The following ABCA1 variants were observed in gnomAD, a reference collection of about 807,000 sequenced individuals.
ABCA1 encodes phospholipid-transporting ATPase ABCA1.
A neutral mutation model predicts 262.5 loss-of-function variants in ABCA1; 133 were observed. That is an observed-to-expected ratio of 0.51 (90% confidence interval 0.44 to 0.59). The LOEUF is 0.59. Among genes scored for constraint, ABCA1 ranks in the 20% least tolerant of loss-of-function variants. ABCA1 has a pLI of 0.00. For missense variants in ABCA1, 2,452 were observed against 2,777.5 expected (o/e 0.88, Z 2.63); for synonymous variants, 1,022 against 1,043.5 (o/e 0.98, Z 0.40).
Position 104,819,478 on chromosome 9 carries a change from A to G in ABCA1, c.3241+108T>C. On this transcript the variant is annotated intron_variant, in intron 22 of 49. Coordinates refer to ENST00000374736, the MANE Select transcript of ABCA1 (RefSeq NM_005502.4). ...TTTATCTCTTCTGTGATAACAGAAG[A>G]GTATCCCATGGCTTCACAGAAGCCT... The G allele has an allele frequency of 1.4e-6, 2 of 1,468,786 alleles. 1 individual carries two copies. The highest frequency in any genetic ancestry group is 2.3e-5 in the South Asian group (2 of 87,458). The allele number at this position is 1,468,786 out of a possible 1,614,324, so 91.0% of individuals were successfully genotyped here.
chr9:104,875,696 G>A (rs1381433776), intron 5 of ABCA1, among the ~76,000 whole-genome samples: 1 of 152,064 alleles, frequency 6.6e-6, no homozygotes, highest in Admixed American at 6.5e-5. Context: ...CCCAAGTCAG[G>A]AGCCAAAGTA....
intron 3 of ABCA1, among the ~76,000 whole-genome samples, chr9:104,886,694 C>T (rs778549389): frequency 1.3e-5 from 2 of 152,134 alleles, no homozygotes; most frequent in Admixed American, 6.5e-5. Flanking sequence ...TGGCAAAGGC[C>T]CTTCCTTGTA....
chr9:104,838,332 G>A (rs920492011), intron 9 of ABCA1, among the ~76,000 whole-genome samples: 1 of 149,106 alleles, frequency 6.7e-6, no homozygotes, highest in Non-Finnish European at 1.5e-5. Context: ...ATTCTCAACA[G>A]GGCGCAGTGG....
intron 2 of ABCA1, among the ~76,000 whole-genome samples, chr9:104,897,095 A>T (rs1359716465): frequency 6.6e-6 from 1 of 152,306 alleles, no homozygotes; most frequent in East Asian, 1.9e-4. Flanking sequence ...TATTTATTAA[A>T]TAATCACTGG....
At chr9:104,898,677 G>C (rs554197777) in intron 2 of ABCA1, among the ~76,000 whole-genome samples, 129 of 152,218 alleles carry the variant, frequency 8.5e-4, no homozygotes, top group Non-Finnish European at 1.4e-3. Flanking sequence ...TCCCCCGCCA[G>C]TCTTATTCAC....
intron 5 of ABCA1, among the ~76,000 whole-genome samples, chr9:104,877,730 G>A (rs1838274774): frequency 6.6e-6 from 1 of 152,134 alleles, no homozygotes; most frequent in Admixed American, 6.5e-5. Context: ...CTAATCTTCA[G>A]GTAAACTCTG....
intron 2 of ABCA1, among the ~76,000 whole-genome samples, chr9:104,902,863 G>GA (rs201677131): frequency 2.7e-5 from 4 of 150,410 alleles, no homozygotes; most frequent in Middle Eastern, 6.8e-3. Context: ...TAGAATCCAG[G>GA]AAAAAAAAAT....
At chr9:104,926,777 C>T (rs1029695403) in intron 1 of ABCA1, among the ~76,000 whole-genome samples, 5 of 152,234 alleles carry the variant, frequency 3.3e-5, no homozygotes, top group African/African-American at 1.2e-4. Flanking sequence ...CCCAGCTTCC[C>T]CATCTGCGCC....
chr9:104,795,129 A>T (rs1374764359), intron 39 of ABCA1, among the ~76,000 whole-genome samples: 2 of 152,272 alleles, frequency 1.3e-5, no homozygotes, highest in Non-Finnish European at 2.9e-5. Flanking sequence ...CAGAGAAAAG[A>T]GAGAACACCT....
chr9:104,844,428 A>G (rs1402330580), intron 8 of ABCA1, among the ~76,000 whole-genome samples: 1 of 152,118 alleles, frequency 6.6e-6, no homozygotes, highest in African/African-American at 2.4e-5. Flanking sequence ...GCAGAATTCA[A>G]AGAAAGAAAG....
chr9:104,880,630 A>C (rs1467346785), intron 5 of ABCA1, among the ~76,000 whole-genome samples: 1 of 152,166 alleles, frequency 6.6e-6, no homozygotes, highest in Non-Finnish European at 1.5e-5. Context: ...TTCCCCCTAT[A>C]CTGAAGCCTG....
rs35876406 is a variant in ABCA1, at chr9:104,810,141, C to CATATATAT, written c.4176-585_4176-578dup. On this transcript the variant is annotated intron_variant, in intron 29 of 49. Transcript: ENST00000374736. Reference sequence around the variant, plus strand: ...GAGAAAAAGAGGCCAATTCACATTACATATATATATATATATATATATATA... The same window carrying CATATATAT: ...GAGAAAAAGAGGCCAATTCACATTACATATATATATATATATATATATATATATATATA... Among the ~76,000 whole-genome samples, 795 of 126,800 alleles carry CATATATAT rather than the reference C, an allele frequency of 6.3e-3. 2 individuals are homozygous for CATATATAT. Among genetic ancestry groups the CATATATAT allele is most frequent in the Non-Finnish European group, 9.3e-3 (551 of 59,008 alleles). 83.2% of individuals were successfully genotyped at this position (126,800 alleles called of 152,430 possible).
chr9:104,862,689 C>CAGGGCAGGGCAGGGCA (rs1836696985), intron 5 of ABCA1, among the ~76,000 whole-genome samples: 2 of 3,318 alleles, frequency 6.0e-4, no homozygotes, highest in African/African-American at 2.2e-3. Context: ...CGGGCCGGGC[C>CAGGGCAGGGCAGGGCA]GGGCCGGGCC....
At chr9:104,918,753 T>A (rs139171260) in intron 1 of ABCA1, among the ~76,000 whole-genome samples, 2 of 152,336 alleles carry the variant, frequency 1.3e-5, no homozygotes, top group East Asian at 3.9e-4. Flanking sequence ...TGTAAGCTCA[T>A]CAGTCTGGGC....
intron 5 of ABCA1, among the ~76,000 whole-genome samples, chr9:104,875,431 A>G (rs888758276): frequency 6.6e-6 from 1 of 151,256 alleles, no homozygotes; most frequent in African/African-American, 2.4e-5. Flanking sequence ...TGAGCCACTG[A>G]CTCCACACAA....
chr9:104,829,731 T>C (rs902896984), intron 14 of ABCA1, among the ~76,000 whole-genome samples: 2 of 152,204 alleles, frequency 1.3e-5, no homozygotes, highest in Admixed American at 1.3e-4. Flanking sequence ...GTGCCCTGTC[T>C]TAAGACATCC....
chr9:104,907,540 G>A (rs1841238218), intron 1 of ABCA1, among the ~76,000 whole-genome samples: 1 of 152,112 alleles, frequency 6.6e-6, no homozygotes, highest in African/African-American at 2.4e-5. Context: ...AGAATTCAAG[G>A]GTGGCAGCAC....
At position 104,803,326 on chromosome 9, in the gene ABCA1, C is replaced by A; in HGVS notation, c.4560-10G>T. The A allele has an allele frequency of 6.2e-7, 1 of 1,613,942 alleles. No homozygotes were observed. The highest frequency in any genetic ancestry group is 1.3e-5 in the African/African-American group (1 of 75,012). Reference sequence around the variant, plus strand: ...GATCTTGTTCTTTAAGCTGCAGAGACAAAGAAACAAAAAATCAGTTCAAAG... The same window carrying A: ...GATCTTGTTCTTTAAGCTGCAGAGAAAAAGAAACAAAAAATCAGTTCAAAG... On this transcript the variant is annotated splice_polypyrimidine_tract_variant and intron_variant, in intron 32 of 49. Coordinates refer to ENST00000374736, the MANE Select transcript of ABCA1 (RefSeq NM_005502.4).
In ABCA1 at chr9:104,791,940, C is replaced by T; in HGVS notation, c.5816G>A (p.Gly1939Asp). 2 of 1,613,488 alleles carry T rather than the reference C, an allele frequency of 1.2e-6. No homozygotes were observed. Among genetic ancestry groups the T allele is most frequent in the Non-Finnish European group, 1.7e-6 (2 of 1,179,694 alleles). Reference protein sequence around the residue: ...VDRICVGIPPGECFGLLGVNG... With the variant: ...VDRICVGIPPDECFGLLGVNG... ...ATATAGACAAAGTGTCTTTACCTCACCAGGAGGAATGCCCACGCAAATCCT... is the reference window on the plus strand; with the variant it reads ...ATATAGACAAAGTGTCTTTACCTCATCAGGAGGAATGCCCACGCAAATCCT... Residue 1939 changes from glycine to aspartate, a missense_variant, in exon 43 of 50, where the codon GGT (glycine) becomes GAT (aspartate). By Grantham distance (94) the Gly-to-Asp change is moderately conservative (BLOSUM62 -1). This residue lies in a region of ABCA1 where 752 missense variants were observed against 944.5 expected (regional missense o/e 0.80). Transcript: ENST00000374736.
Sources: gnomAD v4.1 joint callset for allele counts (sites outside exome capture counted in the v4.1 genomes callset) on GRCh38, gnomAD v4.1.1 for gene constraint, gnomAD v4.1.1 regional missense constraint, MANE v1.5 for transcripts, NCBI Gene and HGNC (gene_info 2026-07-23, HGNC 2026-07-21) for gene names.